Variants in DOCK10 observed in about 807,000 individuals in gnomAD.
DOCK10 encodes the protein dedicator of cytokinesis protein 10.
DOCK10 carries 145 observed loss-of-function variants against 280.1 expected under a neutral mutation model. The observed-to-expected ratio is 0.52, with a 90% CI of 0.45 to 0.59. The LOEUF (loss-of-function observed/expected upper bound fraction) is 0.59, where lower values mean the gene tolerates loss of function less well. Ranked by LOEUF, DOCK10 falls within the 20% of genes least tolerant of loss-of-function variation. DOCK10 has a pLI of 0.00. For synonymous variants in DOCK10, 915 were observed against 942.2 expected (o/e 0.97, Z 0.53); for missense variants, 2,368 against 2,651.7 (o/e 0.89, Z 2.35).
chr2:224,797,925 C>T lies in DOCK10; in HGVS notation c.4551G>A (p.Arg1517=). 6.2e-7 allele frequency: 1 copy of T among 1,613,778 alleles called. No homozygotes were observed. The highest frequency in any genetic ancestry group is 1.1e-5 in the South Asian group (1 of 91,070). ...QCDCQNSLMK[R]VFDTYMLFFQ... is the part of the protein sequence containing the mutation. ...AAAAGAGCATGTAGGTATCAAAGAC[C>T]CTTTTCATCAATGAATTTTGACAGT... The change falls in exon 42 of 56, where the codon AGG becomes AGA. Residue 1517 remains arginine, a synonymous_variant. Transcript: ENST00000258390.
intron 1 of DOCK10, among the ~76,000 whole-genome samples, chr2:225,014,102 T>TTTG (rs1559960064): frequency 4.1e-5 from 6 of 147,836 alleles, no homozygotes; most frequent in African/African-American, 1.5e-4. Context: ...TTTTTTGTTT[T>TTTG]TTTTTTTAAG....
intron 8 of DOCK10, among the ~76,000 whole-genome samples, chr2:224,875,531 G>C (rs1206589895): frequency 6.6e-6 from 1 of 151,904 alleles, no homozygotes; most frequent in Non-Finnish European, 1.5e-5. Context: ...AAGGAATTAG[G>C]ATGGGGAGAA....
chr2:224,775,380 T>TGTTATTTA (rs761036413), intron 51 of DOCK10, among the ~76,000 whole-genome samples: 12 of 152,220 alleles, frequency 7.9e-5, no homozygotes, highest in Non-Finnish European at 1.5e-4. Context: ...GGCTGTGGCA[T>TGTTATTTA]GTTATTTAGT....
chr2:224,792,895 G>T, intron 47 of DOCK10, 79 bp downstream of exon 47: 1 of 1,091,606 alleles, frequency 9.2e-7, no homozygotes, highest in Non-Finnish European at 1.4e-6. Context: ...ATATATTTAA[G>T]AAGGTTTCAC....
chr2:224,765,838 C>A lies in DOCK10; in HGVS notation c.6445-1G>T, dbSNP rs1399055148. On this transcript the variant is annotated splice_acceptor_variant, in intron 55 of 55. Coordinates refer to ENST00000258390, the MANE Select transcript of DOCK10 (RefSeq NM_014689.3). LOFTEE classifies it high-confidence loss of function. ...TTGACAGGTCGTCCCTGCCCGTAAT[C>A]TTAAAACAGGGAAAAACACAACACA... 6.2e-7 allele frequency: 1 copy of A among 1,612,004 alleles called. No individual in the cohort carries two copies. Among genetic ancestry groups the A allele is most frequent in the Non-Finnish European group, 8.5e-7 (1 of 1,178,672 alleles).
intron 46 of DOCK10, 75 bp downstream of exon 46, chr2:224,793,325 A>G: frequency 8.2e-7 from 1 of 1,223,120 alleles, no homozygotes; most frequent in Non-Finnish European, 1.2e-6. Context: ...AAAATGTAAA[A>G]TTAATACATT....
chr2:225,039,177 G>C (rs1179932879), intron 1 of DOCK10, among the ~76,000 whole-genome samples: 6 of 152,114 alleles, frequency 3.9e-5, no homozygotes, highest in Non-Finnish European at 8.8e-5. Context: ...TTACAACTTT[G>C]AAGCCAACAT....
chr2:224,837,954 T>C lies in DOCK10; in HGVS notation c.2781-123A>G, dbSNP rs146138982. On this transcript the variant is annotated intron_variant, in intron 24 of 55. Coordinates refer to ENST00000258390, the MANE Select transcript of DOCK10 (RefSeq NM_014689.3). ...ATTACTGGGTGAATGAATGAACCAA[T>C]CTCTGACTCCTTCCTTGCCCTCCTC... 1.1e-5 allele frequency: 8 copies of C among 745,404 alleles called. No homozygotes were observed. In the African/African-American group the frequency reaches 1.4e-4, roughly 13 times the overall value. The allele number at this position is 745,404 out of a possible 1,614,324, so 46.2% of individuals were successfully genotyped here. A position where few individuals can be genotyped will look rare whatever the true frequency, so the allele number is the denominator to read the frequency against.
chr2:224,889,696 C>G (rs1053322668), intron 4 of DOCK10, among the ~76,000 whole-genome samples: 2 of 152,200 alleles, frequency 1.3e-5, no homozygotes, highest in African/African-American at 4.8e-5. Flanking sequence ...TAGCAGAAGA[C>G]AGAGTTCTTT....
At chr2:225,025,675 G>A (rs1043530883) in intron 1 of DOCK10, among the ~76,000 whole-genome samples, 3 of 152,070 alleles carry the variant, frequency 2.0e-5, no homozygotes, top group South Asian at 4.1e-4. Flanking sequence ...GCATTGGACC[G>A]AAATGCCTGG....
At chr2:224,776,011 A>T (rs142031975) in intron 51 of DOCK10, among the ~76,000 whole-genome samples, 100 of 144,306 alleles carry the variant, frequency 6.9e-4, no homozygotes, top group Non-Finnish European at 1.1e-3. Context: ...CATCCCATGC[A>T]TTTTTTTTTT....
At chr2:224,790,091 A>C (rs1692061327) in intron 47 of DOCK10, among the ~76,000 whole-genome samples, 1 of 152,182 alleles carries the variant, frequency 6.6e-6, no homozygotes, top group Non-Finnish European at 1.5e-5. Flanking sequence ...AATACTTGCT[A>C]TATTTCACTC....
At chr2:224,953,202 T>C (rs993100908) in intron 1 of DOCK10, among the ~76,000 whole-genome samples, 3 of 152,250 alleles carry the variant, frequency 2.0e-5, no homozygotes, top group Admixed American at 2.0e-4. Context: ...TTATTACATT[T>C]TATCTTTATT....
chr2:224,769,982 T>G (rs867221692), intron 55 of DOCK10, among the ~76,000 whole-genome samples: 1 of 152,210 alleles, frequency 6.6e-6, no homozygotes, highest in African/African-American at 2.4e-5. Context: ...TCATTTGGAC[T>G]GTGGAAAGTA....
intron 1 of DOCK10, among the ~76,000 whole-genome samples, chr2:225,027,426 G>T (rs1020029500): frequency 1.3e-5 from 2 of 152,116 alleles, no homozygotes; most frequent in East Asian, 3.9e-4. Context: ...GAGATGGTTT[G>T]GATCTATGTC....
intron 1 of DOCK10, among the ~76,000 whole-genome samples, chr2:224,974,623 G>C (rs1338892145): frequency 6.6e-6 from 1 of 150,966 alleles, no homozygotes; most frequent in African/African-American, 2.4e-5. Context: ...TTCTATATTT[G>C]ATTATGTTTT....
At chr2:224,784,657 G>C in intron 50 of DOCK10, 1 of 1,218,678 alleles carries the variant, frequency 8.2e-7, no homozygotes, top group Non-Finnish European at 1.1e-6. Context: ...AAAAGGTTAA[G>C]GTTCAGTAAA....
At chr2:224,885,971 T>G in intron 6 of DOCK10, 92 bp downstream of exon 6, 1 of 1,551,844 alleles carries the variant, frequency 6.4e-7, no homozygotes, top group Admixed American at 1.9e-5. Flanking sequence ...AAACATAAAC[T>G]CAATGCAAAT....
rs181964866 is a variant in DOCK10 at position 224,785,634 on chromosome 2, C to A, written c.5655+1388G>T. Among the ~76,000 whole-genome samples, 257 of 152,196 alleles carry A rather than the reference C, an allele frequency of 1.7e-3. 2 individuals are homozygous for A. The highest frequency in any genetic ancestry group is 6.8e-3 in the Admixed American group (104 of 15,292). ...TAGCTGGGACTACAGACGCCTGCCACCACACCCGGCTAATTTTTTGTATTT... is the reference window on the plus strand; with the variant it reads ...TAGCTGGGACTACAGACGCCTGCCAACACACCCGGCTAATTTTTTGTATTT... On this transcript the variant is annotated intron_variant, in intron 50 of 55. Coordinates refer to ENST00000258390, the MANE Select transcript of DOCK10 (RefSeq NM_014689.3).
Sources: allele counts gnomAD v4.1 joint callset (sites outside exome capture counted in the v4.1 genomes callset), GRCh38; gene constraint gnomAD v4.1.1; transcripts MANE v1.5; gene names NCBI Gene and HGNC (gene_info 2026-07-23, HGNC 2026-07-21).